The following ARHGAP42 variants were observed in gnomAD, a reference collection of about 807,000 sequenced individuals.
The protein encoded by ARHGAP42 is Rho GTPase activating protein 42.
ARHGAP42 carries 63 observed loss-of-function variants against 125.0 expected under a neutral mutation model. The observed-to-expected ratio is 0.50, with a 90% CI of 0.41 to 0.62. The LOEUF (loss-of-function observed/expected upper bound fraction) is 0.62, where lower values mean the gene tolerates loss of function less well. ARHGAP42 is among the 20% of genes least tolerant of loss of function. The pLI is 0.00. For missense variants in ARHGAP42, 766 were observed against 1,024.2 expected, an observed-to-expected ratio of 0.75 and a Z score of 3.44; for synonymous variants, 339 against 351.0, an observed-to-expected ratio of 0.97 and a Z score of 0.38.
Position 100,914,732 on chromosome 11 carries a change from T to C in ARHGAP42, c.486+1179T>C, listed in dbSNP as rs1435142857. ...TTGTTGTAGTCCAGAGCCTCTCTCC[T>C]GATCCTTCTGCTAGGAAAACCTCCT... On this transcript the variant is annotated intron_variant, in intron 5 of 23. Transcript: ENST00000298815. Among the ~76,000 whole-genome samples the C allele has an allele frequency of 2.0e-5, 3 of 152,166 alleles. No homozygotes were observed. In the East Asian group the frequency reaches 5.8e-4, roughly 29 times the overall value.
At chr11:100,769,367 C>T (rs557686537) in intron 1 of ARHGAP42, among the ~76,000 whole-genome samples, 72 of 152,148 alleles carry the variant, frequency 4.7e-4, no homozygotes, top group Non-Finnish European at 8.8e-4. Flanking sequence ...CTTAATCACT[C>T]GGTTAGGTTG....
intron 3 of ARHGAP42, among the ~76,000 whole-genome samples, chr11:100,802,057 ACTCAGACTAC>A (rs1863867078): frequency 6.6e-6 from 1 of 152,184 alleles, no homozygotes; most frequent in Non-Finnish European, 1.5e-5. Flanking sequence ...TTGTGGTCAG[ACTCAGACTAC>A]CTCTAATACA....
At chr11:100,701,882 C>T (rs1239523839) in intron 1 of ARHGAP42, among the ~76,000 whole-genome samples, 1 of 151,994 alleles carries the variant, frequency 6.6e-6, no homozygotes, top group Non-Finnish European at 1.5e-5. Context: ...TAATTTCCTT[C>T]AAGAACTTTT....
chr11:100,887,931 C>T (rs185640258), intron 4 of ARHGAP42, among the ~76,000 whole-genome samples: 52 of 152,336 alleles, frequency 3.4e-4, no homozygotes, highest in Middle Eastern at 6.8e-3. Context: ...GGCTTTTCCT[C>T]CCTGCATCAC....
chr11:100,973,637 T>A (rs1343658169), intron 18 of ARHGAP42, among the ~76,000 whole-genome samples: 2 of 152,158 alleles, frequency 1.3e-5, no homozygotes, highest in Admixed American at 1.3e-4. Context: ...TCTCTTTGTA[T>A]CCCTTTGAAA....
At chr11:100,981,394 G>T (rs1341414800) in intron 22 of ARHGAP42, among the ~76,000 whole-genome samples, 1 of 152,128 alleles carries the variant, frequency 6.6e-6, no homozygotes, top group African/African-American at 2.4e-5. Context: ...ACTCATAGAA[G>T]TTGAGGGAAT....
chr11:100,713,633 A>C (rs975117510), intron 1 of ARHGAP42, among the ~76,000 whole-genome samples: 2 of 152,220 alleles, frequency 1.3e-5, no homozygotes, highest in Non-Finnish European at 2.9e-5. Flanking sequence ...GACCGAGTAA[A>C]AAAAATAATT....
chr11:100,852,982 A>G (rs1022212057), intron 3 of ARHGAP42, among the ~76,000 whole-genome samples: 1 of 152,180 alleles, frequency 6.6e-6, no homozygotes, highest in Admixed American at 6.6e-5. Context: ...AAACAACTTC[A>G]GGGTGCAACA....
chr11:100,844,297 CT>C (rs1807198644), intron 3 of ARHGAP42, among the ~76,000 whole-genome samples: 1 of 149,350 alleles, frequency 6.7e-6, no homozygotes, highest in Non-Finnish European at 1.5e-5. Context: ...CAAAAATCAA[CT>C]CAAGATGTAT....
intron 4 of ARHGAP42, among the ~76,000 whole-genome samples, chr11:100,875,374 G>A (rs1360172735): frequency 6.6e-6 from 1 of 152,100 alleles, no homozygotes; most frequent in Non-Finnish European, 1.5e-5. Flanking sequence ...GGCTAGGGCT[G>A]GGGCTAGGGG....
At chr11:100,943,317 A>G (rs185200080) in intron 9 of ARHGAP42, among the ~76,000 whole-genome samples, 1 of 151,984 alleles carries the variant, frequency 6.6e-6, no homozygotes, top group Non-Finnish European at 1.5e-5. Context: ...AGGCTCTAAT[A>G]CAAAGACACA....
chr11:100,829,360 CA>C (rs201534837), intron 3 of ARHGAP42, among the ~76,000 whole-genome samples: 15,502 of 123,988 alleles, frequency 0.13, 788 homozygotes, highest in East Asian at 0.28. Flanking sequence ...ACCCTGTCTT[CA>C]AAAAAAAAAA....
intron 4 of ARHGAP42, among the ~76,000 whole-genome samples, chr11:100,911,889 A>G (rs1866930068): frequency 2.0e-5 from 3 of 152,120 alleles, no homozygotes; most frequent in Admixed American, 2.0e-4. Flanking sequence ...AATTATTTGA[A>G]TAGTTTGATT....
chr11:100,884,091 T>G lies in ARHGAP42; in HGVS notation c.384+24466T>G, dbSNP rs151030720. ...ATTTTCCCCCACTCATTCTTTTCAT[T>G]TGTACTATGTGATTATGGCAATGTA... On this transcript the variant is annotated intron_variant, in intron 4 of 23. Transcript: ENST00000298815. Among the ~76,000 whole-genome samples the G allele has an allele frequency of 9.9e-4, 150 of 152,262 alleles. 1 individual carries two copies. The highest frequency in any genetic ancestry group is 1.2e-3 in the Admixed American group (18 of 15,292).
At chr11:100,805,966 T>G (rs1475291476) in intron 3 of ARHGAP42, among the ~76,000 whole-genome samples, 1 of 152,162 alleles carries the variant, frequency 6.6e-6, no homozygotes, top group Non-Finnish European at 1.5e-5. Flanking sequence ...CAACCTTCAC[T>G]CCTCATCCTG....
At chr11:100,782,287 G>A (rs1318793474) in intron 2 of ARHGAP42, among the ~76,000 whole-genome samples, 1 of 152,188 alleles carries the variant, frequency 6.6e-6, no homozygotes, top group Admixed American at 6.5e-5. Context: ...GGAAGTCTTT[G>A]CTAGTTCACA....
At chr11:100,796,515 G>A (rs916834233) in intron 3 of ARHGAP42, among the ~76,000 whole-genome samples, 65 of 152,300 alleles carry the variant, frequency 4.3e-4, no homozygotes, top group African/African-American at 1.5e-3. Flanking sequence ...GTTTAGTGAA[G>A]AAGGCATGTC....
intron 6 of ARHGAP42, among the ~76,000 whole-genome samples, chr11:100,925,553 C>T (rs951859286): frequency 2.0e-5 from 3 of 151,040 alleles, no homozygotes; most frequent in African/African-American, 4.9e-5. Context: ...GCTTGGCCAA[C>T]ATGGTGAAAC....
intron 4 of ARHGAP42, among the ~76,000 whole-genome samples, chr11:100,870,906 A>G (rs868523411): frequency 3.3e-5 from 5 of 151,896 alleles, no homozygotes; most frequent in Non-Finnish European, 7.4e-5. Context: ...GAAAACACAG[A>G]TATCAGAGTT....
Sources: gnomAD v4.1 joint callset for allele counts (sites outside exome capture counted in the v4.1 genomes callset) on GRCh38, gnomAD v4.1.1 for gene constraint, MANE v1.5 for transcripts, NCBI Gene and HGNC (gene_info 2026-07-23, HGNC 2026-07-21) for gene names.